OVCH1: variants seen among roughly 807,000 people sequenced by gnomAD.
OVCH1 encodes ovochymase-1.
Under a neutral mutation model 138.4 loss-of-function variants are expected in OVCH1, and 139 were observed. The ratio of observed to expected loss-of-function variants is 1.00; its 90% CI spans 0.87 to 1.16. The LOEUF (loss-of-function observed/expected upper bound fraction) is 1.16. Among genes scored for constraint, OVCH1 ranks in the 50% most tolerant of loss-of-function variants. The pLI is 0.00. For synonymous variants in OVCH1, 453 were observed against 467.8 expected (o/e 0.97, Z 0.41); for missense variants, 1,367 against 1,357.9 (o/e 1.01, Z -0.11).
downstream of OVCH1, among the ~76,000 whole-genome samples, chr12:29,425,706 GT>G (rs200488548): frequency 4.1e-3 from 627 of 152,256 alleles, 5 homozygotes; most frequent in African/African-American, 0.014. Flanking sequence ...AAGATTAAGA[GT>G]TTTCATCTTC....
intron 26 of OVCH1, among the ~76,000 whole-genome samples, chr12:29,436,467 ATTT>A (rs1038556206): frequency 2.0e-5 from 3 of 152,178 alleles, no homozygotes; most frequent in Non-Finnish European, 4.4e-5. Context: ...CAAATATTAT[ATTT>A]TTTATGTATT....
At chr12:29,414,327 A>G (rs1311106620) in intron 3 of OVCH1, among the ~76,000 whole-genome samples, 1 of 152,026 alleles carries the variant, frequency 6.6e-6, no homozygotes, top group African/African-American at 2.4e-5. Context: ...CAGCCTGCCA[A>G]CTGCTTTTCT....
the OVCH1 span, among the ~76,000 whole-genome samples, chr12:29,404,146 C>A: frequency 9.9e-5 from 15 of 152,206 alleles, no homozygotes; most frequent in African/African-American, 3.6e-4. Flanking sequence ...TTTGTAATCA[C>A]AGTTGTACCA....
intron 22 of OVCH1, among the ~76,000 whole-genome samples, chr12:29,448,965 C>T (rs1003841363): frequency 8.5e-5 from 13 of 152,090 alleles, no homozygotes; most frequent in Admixed American, 8.5e-4. Flanking sequence ...TCCCTCCTTA[C>T]TGCAAGCCAA....
chr12:29,464,527 C>T, exon 18 of OVCH1: 2 of 1,613,330 alleles, frequency 1.2e-6, no homozygotes, highest in Non-Finnish European at 1.7e-6. Context: ...GCTTCCCCAT[C>T]CGGTCACAGC....
chr12:29,477,269 A>G (rs745840216), intron 11 of OVCH1, 37 bp from the exon 12 acceptor site: 3 of 1,613,062 alleles, frequency 1.9e-6, no homozygotes, highest in Non-Finnish European at 2.5e-6. Context: ...GTGAATGGCC[A>G]AAGACATTTT....
chr12:29,430,795 C>G (rs1941254324), intron 27 of OVCH1: 2 of 437,804 alleles, frequency 4.6e-6, no homozygotes, highest in Admixed American at 4.8e-5. Flanking sequence ...AGTCTGCACA[C>G]CAGATTAACA....
At chr12:29,479,824 C>CTTTTTT (rs34551074) in intron 8 of OVCH1, among the ~76,000 whole-genome samples, 1 of 128,384 alleles carries the variant, frequency 7.8e-6, no homozygotes, top group Non-Finnish European at 1.6e-5. Flanking sequence ...TCTTTTTTTT[C>CTTTTTT]TTTTTTTTTT....
intron 9 of OVCH1, among the ~76,000 whole-genome samples, chr12:29,478,158 T>A (rs1942807090): frequency 6.6e-6 from 1 of 152,156 alleles, no homozygotes; most frequent in South Asian, 2.1e-4. Context: ...CAAAATTAGA[T>A]ATATTGGTTA....
intron 8 of OVCH1, among the ~76,000 whole-genome samples, chr12:29,483,207 G>A (rs565864413): frequency 6.6e-6 from 1 of 152,012 alleles, no homozygotes; most frequent in Non-Finnish European, 1.5e-5. Flanking sequence ...GACAAATTCT[G>A]GCTTATCAAT....
chr12:29,448,963 T>C (rs1941694981), intron 22 of OVCH1, among the ~76,000 whole-genome samples: 1 of 152,062 alleles, frequency 6.6e-6, no homozygotes, highest in Admixed American at 6.6e-5. Flanking sequence ...CATCCCTCCT[T>C]ACTGCAAGCC....
intron 3 of OVCH1, among the ~76,000 whole-genome samples, chr12:29,415,032 A>T (rs1283303033): frequency 2.0e-5 from 3 of 152,196 alleles, no homozygotes; most frequent in Non-Finnish European, 4.4e-5. Context: ...ATGATGCTGG[A>T]AATTACAGGT....
chr12:29,495,076 G>T (rs2136098431), intron 4 of OVCH1, among the ~76,000 whole-genome samples: 2 of 152,288 alleles, frequency 1.3e-5, no homozygotes, highest in South Asian at 4.1e-4. Flanking sequence ...AATGTTGATT[G>T]TTAGGTTAAG....
At chr12:29,442,011 T>A (rs1008516093) in intron 25 of OVCH1, among the ~76,000 whole-genome samples, 3 of 151,682 alleles carry the variant, frequency 2.0e-5, no homozygotes, top group Non-Finnish European at 4.4e-5. Context: ...GGAACACTTT[T>A]ACACTGTTGG....
downstream of OVCH1, among the ~76,000 whole-genome samples, chr12:29,408,939 G>T (rs1940917682): frequency 6.6e-6 from 1 of 152,104 alleles, no homozygotes; most frequent in Admixed American, 6.6e-5. Context: ...ATCTGGTCCT[G>T]GACTCTTTTT....
At chr12:29,443,297 A>G in intron 25 of OVCH1, 64 bp downstream of exon 25, 1 of 1,515,226 alleles carries the variant, frequency 6.6e-7, no homozygotes, top group African/African-American at 1.4e-5. Context: ...TGAATATGAA[A>G]CAATCTAAAC....
At chr12:29,442,573 G>A (rs1331231084) in intron 25 of OVCH1, among the ~76,000 whole-genome samples, 1 of 151,432 alleles carries the variant, frequency 6.6e-6, no homozygotes, top group Non-Finnish European at 1.5e-5. Flanking sequence ...GTATACATAT[G>A]TAACTAACTG....
intron 8 of OVCH1, among the ~76,000 whole-genome samples, chr12:29,482,847 A>C (rs1480172103): frequency 2.0e-5 from 3 of 152,236 alleles, no homozygotes; most frequent in Non-Finnish European, 4.4e-5. Context: ...GTAGGCTGCC[A>C]TCTGCATGTC....
chr12:29,473,079 T>G (rs1942571783), exon 15 of OVCH1: 1 of 1,610,004 alleles, frequency 6.2e-7, no homozygotes. Context: ...GGGAGGTAAC[T>G]TTGGTTCAAA....
Sources: gnomAD v4.1 joint callset for allele counts (sites outside exome capture counted in the v4.1 genomes callset) on GRCh38, gnomAD v4.1.1 for gene constraint, MANE v1.5 for transcripts, NCBI Gene and HGNC (gene_info 2026-07-23, HGNC 2026-07-21) for gene names.